The following KHDRBS3 variants were observed in gnomAD, a reference collection of about 807,000 sequenced individuals.
KHDRBS3 encodes the protein KH RNA binding domain containing, signal transduction associated 3.
In KHDRBS3, 23 loss-of-function variants were observed where a neutral mutation model predicts 45.6. The ratio of observed to expected loss-of-function variants is 0.50; its 90% confidence interval spans 0.36 to 0.72. The LOEUF (loss-of-function observed/expected upper bound fraction) is 0.72. Among genes scored for constraint, KHDRBS3 ranks in the 30% least tolerant of loss-of-function variants. The pLI is 0.00. For missense variants in KHDRBS3, 352 were observed against 424.8 expected, an observed-to-expected ratio of 0.83 and a Z score of 1.51; for synonymous variants, 162 against 156.5, an observed-to-expected ratio of 1.04 and a Z score of -0.26.
intron 1 of KHDRBS3, among the ~76,000 whole-genome samples, chr8:135,516,397 G>C (rs1824603664): frequency 6.6e-6 from 1 of 152,140 alleles, no homozygotes; most frequent in African/African-American, 2.4e-5. Context: ...GCTTTGTGCT[G>C]CAAGGTTACC....
chr8:135,625,580 G>A, intron 7 of KHDRBS3: 1 of 956,862 alleles, frequency 1.0e-6, no homozygotes, highest in South Asian at 1.3e-5. Flanking sequence ...AGCCACTGCA[G>A]TTTCTTGACC....
At chr8:135,545,564 A>G (rs1301760170) in intron 3 of KHDRBS3, among the ~76,000 whole-genome samples, 1 of 152,130 alleles carries the variant, frequency 6.6e-6, no homozygotes, top group Non-Finnish European at 1.5e-5. Flanking sequence ...TGAACTCTGC[A>G]CCTGTTTGTT....
intron 7 of KHDRBS3, among the ~76,000 whole-genome samples, 186 bp from the exon 8 acceptor site, chr8:135,644,873 A>G (rs1049657535): frequency 2.6e-5 from 4 of 151,130 alleles, no homozygotes; most frequent in Non-Finnish European, 5.9e-5. Context: ...GAGCTAGACA[A>G]GGGTCCTTTG....
At chr8:135,641,591 G>A (rs1211762229) in intron 7 of KHDRBS3, among the ~76,000 whole-genome samples, 1 of 152,202 alleles carries the variant, frequency 6.6e-6, no homozygotes, top group Non-Finnish European at 1.5e-5. Flanking sequence ...CTACTGTGGA[G>A]CTAGATGCTG....
chr8:135,506,624 C>G (rs7009587), intron 1 of KHDRBS3, among the ~76,000 whole-genome samples: 121,704 of 151,894 alleles, frequency 0.8, 49,280 homozygotes, highest in East Asian at 0.96. Flanking sequence ...GGCTGGTCTC[C>G]AACTCCTGAC....
At chr8:135,523,506 T>G (rs1825021903) in intron 2 of KHDRBS3, among the ~76,000 whole-genome samples, 1 of 152,212 alleles carries the variant, frequency 6.6e-6, no homozygotes, top group Non-Finnish European at 1.5e-5. Context: ...TAAGTTGTTT[T>G]GTAGACTTCT....
intron 1 of KHDRBS3, among the ~76,000 whole-genome samples, chr8:135,517,586 A>C (rs989405064): frequency 1.3e-5 from 2 of 152,230 alleles, no homozygotes; most frequent in East Asian, 3.8e-4. Flanking sequence ...TCATTCAAGT[A>C]GAAAATAAAA....
intron 5 of KHDRBS3, among the ~76,000 whole-genome samples, chr8:135,570,691 CTG>C (rs1827659022): frequency 6.6e-6 from 1 of 152,184 alleles, no homozygotes; most frequent in Non-Finnish European, 1.5e-5. Flanking sequence ...CCTTCCAACT[CTG>C]TGCCTACTGG....
chr8:135,503,618 T>C (rs1230269722), intron 1 of KHDRBS3, among the ~76,000 whole-genome samples: 2 of 151,728 alleles, frequency 1.3e-5, no homozygotes, highest in East Asian at 3.9e-4. Flanking sequence ...CCTCAGCTAG[T>C]GAGGTAGTAG....
intron 2 of KHDRBS3, chr8:135,541,121 A>G (rs1042256547): frequency 6.6e-6 from 1 of 152,260 alleles, no homozygotes; most frequent in Non-Finnish European, 1.5e-5. Flanking sequence ...TGAAGGAATC[A>G]GTAGGTATAT....
intron 2 of KHDRBS3, among the ~76,000 whole-genome samples, chr8:135,526,301 A>C (rs893185154): frequency 5.3e-5 from 8 of 151,878 alleles, no homozygotes; most frequent in African/African-American, 1.9e-4. Flanking sequence ...TAAGGGAAGA[A>C]AAATTATAAT....
rs1301487126 is a variant in KHDRBS3, at chr8:135,530,289, T to C, written c.207+8934T>C. 2.6e-5 allele frequency among the ~76,000 whole-genome samples: 4 copies of C among 152,236 alleles called. No homozygotes were observed. The East Asian group carries it at 7.7e-4, about 29-fold the overall frequency. On this transcript the variant is annotated intron_variant, in intron 2 of 8. Transcript: ENST00000355849. ...TCTGGGCTCCATAAGGATCACCAAA[T>C]TGGACCAACTGAAAATTGCGTGACT... is the stretch of plus-strand genomic sequence containing the variant.
intron 1 of KHDRBS3, among the ~76,000 whole-genome samples, chr8:135,464,021 T>G (rs1017306789): frequency 6.6e-6 from 1 of 152,176 alleles, no homozygotes; most frequent in Admixed American, 6.6e-5. Flanking sequence ...TTTTTTCAAA[T>G]GAGGCCTCTA....
chr8:135,485,702 G>A (rs1448126102), intron 1 of KHDRBS3, among the ~76,000 whole-genome samples: 3 of 151,746 alleles, frequency 2.0e-5, no homozygotes, highest in Non-Finnish European at 2.9e-5. Context: ...AAATAATGAT[G>A]ATAAAGATAA....
chr8:135,464,302 C>T (rs188688563), intron 1 of KHDRBS3, among the ~76,000 whole-genome samples: 12 of 152,164 alleles, frequency 7.9e-5, no homozygotes, highest in South Asian at 4.1e-4. Context: ...CTGTGCTCTC[C>T]GGCAGTCTTC....
In KHDRBS3 at chr8:135,477,569, G is replaced by A. The variant is rs1441262312; in HGVS notation, c.88+19615G>A. 4.6e-5 allele frequency among the ~76,000 whole-genome samples: 7 copies of A among 152,172 alleles called. No individual in the cohort carries two copies. The East Asian group carries it at 1.2e-3, about 25-fold the overall frequency. On this transcript the variant is annotated intron_variant, in intron 1 of 8. Transcript: ENST00000355849. ...AGCTCAGTGACATGAAACAAACTAG[G>A]ACTTGATTCAGTGATTTGTTTCCAT... is the stretch of plus-strand genomic sequence containing the variant.
In KHDRBS3 at chr8:135,609,086, C is replaced by T. The variant is rs188055040; in HGVS notation, c.890+2049C>T. ...GCTTTATAAACACTAAACGCTTAGGCTACACTCAATTTATTAAAAAGCCTT... is the reference window on the plus strand; with the variant it reads ...GCTTTATAAACACTAAACGCTTAGGTTACACTCAATTTATTAAAAAGCCTT... On this transcript the variant is annotated intron_variant, in intron 7 of 8. Coordinates refer to ENST00000355849, the MANE Select transcript of KHDRBS3 (RefSeq NM_006558.3). 2.7e-3 allele frequency among the ~76,000 whole-genome samples: 412 copies of T among 152,240 alleles called. 5 individuals are homozygous for T. Among genetic ancestry groups the T allele is most frequent in the African/African-American group, 9.3e-3 (386 of 41,534 alleles).
At chr8:135,623,441 G>A (rs1240333027) in intron 7 of KHDRBS3, among the ~76,000 whole-genome samples, 2 of 152,156 alleles carry the variant, frequency 1.3e-5, no homozygotes, top group African/African-American at 2.4e-5. Flanking sequence ...AAGTGAGTAG[G>A]CAAATTAATG....
At chr8:135,629,457 G>A (rs975708554) in intron 7 of KHDRBS3, among the ~76,000 whole-genome samples, 1 of 152,128 alleles carries the variant, frequency 6.6e-6, no homozygotes, top group Non-Finnish European at 1.5e-5. Context: ...TCTTTATTGA[G>A]CACCTTTTAT....
Sources: gnomAD v4.1 joint callset for allele counts (sites outside exome capture counted in the v4.1 genomes callset) on GRCh38, gnomAD v4.1.1 for gene constraint, MANE v1.5 for transcripts, NCBI Gene and HGNC (gene_info 2026-07-23, HGNC 2026-07-21) for gene names.